CYFIP2: variants seen among roughly 807,000 people sequenced by gnomAD.
The protein encoded by CYFIP2 is cytoplasmic FMR1-interacting protein 2.
CYFIP2 carries 29 observed loss-of-function variants against 158.7 expected under a neutral mutation model. That is an observed-to-expected ratio of 0.18 (90% CI 0.14 to 0.25). The LOEUF (loss-of-function observed/expected upper bound fraction) is 0.25, where lower values mean the gene tolerates loss of function less well. CYFIP2 is among the 10% of genes least tolerant of loss of function. The probability of loss-of-function intolerance (pLI) is 1.00; values close to 1 mark genes in which losing one functional copy is unlikely to be tolerated. For missense variants in CYFIP2, 852 were observed against 1,639.5 expected, an observed-to-expected ratio of 0.52 and a Z score of 8.29; for synonymous variants, 585 against 617.6, an observed-to-expected ratio of 0.95 and a Z score of 0.78.
chr5:157,306,372 T>C (rs1374471526), intron 8 of CYFIP2, among the ~76,000 whole-genome samples: 3 of 152,158 alleles, frequency 2.0e-5, no homozygotes, highest in Admixed American at 6.5e-5. Context: ...ACAAGCTAAG[T>C]CACTACCTAC....
chr5:157,379,318 C>T (rs1227539609), intron 26 of CYFIP2, among the ~76,000 whole-genome samples: 1 of 151,990 alleles, frequency 6.6e-6, no homozygotes, highest in Non-Finnish European at 1.5e-5. Context: ...GACTCCTTTC[C>T]ATGAAAGGAC....
intron 26 of CYFIP2, among the ~76,000 whole-genome samples, chr5:157,369,883 T>TGTTTTTG (rs748472608): frequency 1.5e-5 from 2 of 137,550 alleles, no homozygotes; most frequent in African/African-American, 5.4e-5. Context: ...GACCTAGTTT[T>TGTTTTTG]TTTTTTTTTT....
intron 3 of CYFIP2, 37 bp downstream of exon 3, chr5:157,287,145 C>T (rs774223297): frequency 1.3e-6 from 2 of 1,585,120 alleles, no homozygotes; most frequent in South Asian, 2.2e-5. Context: ...GACATGCTCC[C>T]TGCTGGGCTG....
intron 3 of CYFIP2, 106 bp downstream of exon 3, chr5:157,287,214 C>G: frequency 1.2e-6 from 1 of 825,350 alleles, no homozygotes; most frequent in Non-Finnish European, 2.0e-6. Flanking sequence ...TCTAAGAACC[C>G]CCTGCCTCAG....
intron 23 of CYFIP2, among the ~76,000 whole-genome samples, chr5:157,347,714 T>G (rs73306221): frequency 0.017 from 2,532 of 152,354 alleles, 97 homozygotes; most frequent in African/African-American, 0.058. Flanking sequence ...TTATTTTTAA[T>G]ATTCTTGGAT....
At chr5:157,293,930 C>T (rs1758040065) in intron 3 of CYFIP2, among the ~76,000 whole-genome samples, 1 of 152,060 alleles carries the variant, frequency 6.6e-6, no homozygotes, top group South Asian at 2.1e-4. Flanking sequence ...GCCTCATGTG[C>T]TGAGGCTGCA....
At chr5:157,342,923 G>A (rs746495560) in intron 23 of CYFIP2, 25 of 1,614,010 alleles carry the variant, frequency 1.5e-5, no homozygotes, top group Admixed American at 1.7e-5. Context: ...TAAGGCACCC[G>A]CATCAGGGGC....
At chr5:157,369,863 C>T (rs1034585881) in intron 26 of CYFIP2, among the ~76,000 whole-genome samples, 2 of 147,164 alleles carry the variant, frequency 1.4e-5, no homozygotes, top group African/African-American at 5.1e-5. Context: ...AAACAAAATC[C>T]TTGAGAATGG....
intron 15 of CYFIP2, 26 bp from the exon 16 acceptor site, chr5:157,323,895 C>T (rs1279207225): frequency 3.3e-6 from 5 of 1,523,156 alleles, no homozygotes; most frequent in Admixed American, 4.2e-5. Flanking sequence ...AGCTTCTGAC[C>T]TTCTCATCTT....
intron 19 of CYFIP2, among the ~76,000 whole-genome samples, chr5:157,328,813 G>A (rs1761228870): frequency 6.6e-6 from 1 of 152,136 alleles, no homozygotes; most frequent in Admixed American, 6.5e-5. Context: ...CCAGACAGGA[G>A]GCCAGTGAAG....
At chr5:157,344,326 A>T (rs186574500) in intron 23 of CYFIP2, among the ~76,000 whole-genome samples, 1 of 152,278 alleles carries the variant, frequency 6.6e-6, no homozygotes, top group Non-Finnish European at 1.5e-5. Context: ...ACAGGCAGTA[A>T]TTAATTTCCT....
At chr5:157,364,206 G>GC (rs1319664724) in intron 26 of CYFIP2, 2 of 144,694 alleles carry the variant, frequency 1.4e-5, no homozygotes, top group Admixed American at 1.3e-4. Context: ...CGGGGTGGCG[G>GC]GGGGGGGTGG....
chr5:157,325,409 T>G, intron 16 of CYFIP2, 73 bp from the exon 17 acceptor site: 1 of 1,444,732 alleles, frequency 6.9e-7, no homozygotes, highest in Non-Finnish European at 9.2e-7. Flanking sequence ...ACAATGAAAA[T>G]TAATAAAAAC....
At chr5:157,378,769 T>C (rs577623299) in intron 26 of CYFIP2, among the ~76,000 whole-genome samples, 2 of 152,262 alleles carry the variant, frequency 1.3e-5, no homozygotes, top group East Asian at 3.9e-4. Context: ...AGAAAGCAAA[T>C]AGCTCATTCG....
At chr5:157,325,413 T>G in intron 16 of CYFIP2, 69 bp from the exon 17 acceptor site, 1 of 1,459,336 alleles carries the variant, frequency 6.9e-7, no homozygotes, top group Non-Finnish European at 9.1e-7. Context: ...TGAAAATTAA[T>G]AAAAACAATG....
chr5:157,297,979 A>G (rs934580009), intron 5 of CYFIP2, among the ~76,000 whole-genome samples: 2 of 152,222 alleles, frequency 1.3e-5, no homozygotes, highest in African/African-American at 4.8e-5. Context: ...AGTTGGACTT[A>G]GACTCTGGCA....
At chr5:157,301,629 T>C (rs1232682838) in intron 6 of CYFIP2, among the ~76,000 whole-genome samples, 1 of 152,118 alleles carries the variant, frequency 6.6e-6, no homozygotes, top group Non-Finnish European at 1.5e-5. Context: ...CTCTGCCAGC[T>C]CTTAAGAAGA....
At chr5:157,297,008 A>G (rs1758304219) in intron 5 of CYFIP2, among the ~76,000 whole-genome samples, 1 of 152,248 alleles carries the variant, frequency 6.6e-6, no homozygotes, top group African/African-American at 2.4e-5. Flanking sequence ...GACAATAAGC[A>G]ATACACATTA....
chr5:157,380,306 C>G (rs1006269243), intron 26 of CYFIP2, among the ~76,000 whole-genome samples: 8 of 152,242 alleles, frequency 5.3e-5, no homozygotes, highest in African/African-American at 1.9e-4. Flanking sequence ...CAAAGGCAGA[C>G]TGGTCCTCAG....
Sources: gnomAD v4.1 joint callset for allele counts (sites outside exome capture counted in the v4.1 genomes callset) on GRCh38, gnomAD v4.1.1 for gene constraint, MANE v1.5 for transcripts, NCBI Gene and HGNC (gene_info 2026-07-23, HGNC 2026-07-21) for gene names.